DTNBP1: variants seen among roughly 807,000 people sequenced by gnomAD.
DTNBP1 encodes the protein dysbindin.
A neutral mutation model predicts 42.8 loss-of-function variants in DTNBP1; 35 were observed. That is an observed-to-expected ratio of 0.82 (90% CI 0.63 to 1.09). The LOEUF is 1.09. Ranked by LOEUF, DTNBP1 falls within the 50% of genes least tolerant of loss-of-function variation. DTNBP1 has a pLI of 0.00. For missense variants in DTNBP1, 457 were observed against 424.2 expected, an observed-to-expected ratio of 1.08 and a Z score of -0.68; for synonymous variants, 171 against 162.2, an observed-to-expected ratio of 1.05 and a Z score of -0.41.
intron 3 of DTNBP1, among the ~76,000 whole-genome samples, chr6:15,651,064 C>T (rs1210508019): frequency 2.6e-5 from 4 of 151,976 alleles, no homozygotes; most frequent in Non-Finnish European, 4.4e-5. Context: ...ATAAAGAAGC[C>T]GTACATATTA....
At chr6:15,614,798 T>C (rs563110694) in intron 6 of DTNBP1, among the ~76,000 whole-genome samples, 9 of 152,238 alleles carry the variant, frequency 5.9e-5, no homozygotes, top group Non-Finnish European at 1.2e-4. Context: ...TCAGTGACAT[T>C]GAGGCCAAGA....
intron 6 of DTNBP1, among the ~76,000 whole-genome samples, chr6:15,596,990 G>A (rs186332338): frequency 6.6e-6 from 1 of 152,204 alleles, no homozygotes; most frequent in Non-Finnish European, 1.5e-5. Context: ...CATCGTCACT[G>A]CCATCAACCT....
At chr6:15,651,185 T>A in intron 3 of DTNBP1, 128 bp downstream of exon 3, 1 of 860,710 alleles carries the variant, frequency 1.2e-6, no homozygotes, top group Admixed American at 2.2e-5. Flanking sequence ...AATACATAAA[T>A]AATTTCCAAT....
chr6:15,610,924 G>A (rs1019199448), intron 6 of DTNBP1, among the ~76,000 whole-genome samples: 24 of 152,376 alleles, frequency 1.6e-4, no homozygotes, highest in Admixed American at 1.6e-3. Flanking sequence ...AAGTGCTGAT[G>A]TAAAAGCTGC....
At chr6:15,568,423 G>A (rs778025302) in intron 7 of DTNBP1, among the ~76,000 whole-genome samples, 16 of 152,176 alleles carry the variant, frequency 1.1e-4, no homozygotes, top group Non-Finnish European at 1.9e-4. Flanking sequence ...ATAAATGTGT[G>A]TGCTTTTCTT....
At chr6:15,574,700 G>A (rs941605493) in intron 7 of DTNBP1, among the ~76,000 whole-genome samples, 4 of 152,276 alleles carry the variant, frequency 2.6e-5, no homozygotes, top group Admixed American at 6.5e-5. Flanking sequence ...GGGGGAGGAG[G>A]AGGAGGACAG....
At chr6:15,657,119 GCA>G (rs1294219636) in intron 1 of DTNBP1, among the ~76,000 whole-genome samples, 2 of 152,102 alleles carry the variant, frequency 1.3e-5, no homozygotes, top group African/African-American at 4.8e-5. Flanking sequence ...CACAAAAGCT[GCA>G]CAGACTCAGG....
In DTNBP1 at chr6:15,627,493, G is replaced by A. The variant is rs377659695; in HGVS notation, c.223-18C>T. 1.9e-4 allele frequency: 300 copies of A among 1,613,438 alleles called. No individual in the cohort carries two copies. The highest frequency in any genetic ancestry group is 1.7e-4 in the Admixed American group (10 of 59,962). On this transcript the variant is annotated intron_variant, in intron 4 of 9. Coordinates refer to ENST00000344537, the MANE Select transcript of DTNBP1 (RefSeq NM_032122.5). ...TCCACCAGCTGCAGCACACAAGAAG[G>A]GGGGTAAAGTGAAACCAGGTTTTAG... is the stretch of plus-strand genomic sequence containing the variant.
intron 1 of DTNBP1, among the ~76,000 whole-genome samples, chr6:15,654,144 T>G (rs1761160279): frequency 6.6e-6 from 1 of 152,228 alleles, no homozygotes; most frequent in Non-Finnish European, 1.5e-5. Flanking sequence ...ATTCAAAAGA[T>G]TCAGCAATCT....
chr6:15,618,987 ATACTG>A (rs1211109588), intron 5 of DTNBP1, among the ~76,000 whole-genome samples: 2 of 152,218 alleles, frequency 1.3e-5, no homozygotes, highest in Non-Finnish European at 2.9e-5. Flanking sequence ...AGAAAGATAA[ATACTG>A]TATGTTTTCA....
At chr6:15,530,496 C>G (rs963691879) in intron 8 of DTNBP1, among the ~76,000 whole-genome samples, 3 of 152,222 alleles carry the variant, frequency 2.0e-5, no homozygotes, top group African/African-American at 7.2e-5. Flanking sequence ...CTTCATATTT[C>G]CTTGCAGGTA....
chr6:15,657,354 A>T (rs1311024570), intron 1 of DTNBP1, among the ~76,000 whole-genome samples: 2 of 152,154 alleles, frequency 1.3e-5, no homozygotes, highest in African/African-American at 4.8e-5. Flanking sequence ...TTTATCTAAG[A>T]TACTTCCAAA....
At chr6:15,659,519 A>AT (rs1202054782) in intron 1 of DTNBP1, among the ~76,000 whole-genome samples, 4 of 137,516 alleles carry the variant, frequency 2.9e-5, no homozygotes, top group African/African-American at 1.1e-4. Context: ...ATGTTTTTTC[A>AT]TTTTTTCTTT....
At chr6:15,586,441 C>T (rs1327646804) in intron 7 of DTNBP1, among the ~76,000 whole-genome samples, 3 of 152,092 alleles carry the variant, frequency 2.0e-5, no homozygotes, top group African/African-American at 4.8e-5. Flanking sequence ...ACAGCTCCAT[C>T]AATCAGCCAC....
At chr6:15,658,585 C>T (rs544316902) in intron 1 of DTNBP1, among the ~76,000 whole-genome samples, 47 of 152,304 alleles carry the variant, frequency 3.1e-4, no homozygotes, top group African/African-American at 1.1e-3. Context: ...CAGCCTGTGA[C>T]AGGCAGCTGT....
rs527723999 is a variant in DTNBP1, at chr6:15,654,715, A to G, written c.57-2575T>C. Among the ~76,000 whole-genome samples, 21 of 152,318 alleles carry G rather than the reference A, an allele frequency of 1.4e-4. No individual in the cohort carries two copies. In the South Asian group the frequency reaches 4.1e-3, roughly 30 times the overall value. ...GAAAGTAAAATTGTTGGAAGATTCA[A>G]CAAAAGATTCCCCATGTGGCTCTTT... is the stretch of plus-strand genomic sequence containing the variant. On this transcript the variant is annotated intron_variant, in intron 1 of 9. Transcript: ENST00000344537.
intron 8 of DTNBP1, among the ~76,000 whole-genome samples, chr6:15,532,612 G>A (rs1257901774): frequency 6.6e-6 from 1 of 151,122 alleles, no homozygotes; most frequent in Non-Finnish European, 1.5e-5. Flanking sequence ...GGACTATTCT[G>A]TACTGGAGAA....
chr6:15,619,103 T>C (rs1005422043), intron 5 of DTNBP1, among the ~76,000 whole-genome samples: 3 of 152,194 alleles, frequency 2.0e-5, no homozygotes, highest in African/African-American at 7.2e-5. Context: ...AAAGGTTGGT[T>C]AACAGATACA....
intron 7 of DTNBP1, among the ~76,000 whole-genome samples, chr6:15,552,945 G>C (rs1237692863): frequency 6.6e-6 from 1 of 152,144 alleles, no homozygotes; most frequent in African/African-American, 2.4e-5. Context: ...AAAAATAAGA[G>C]TAAGAGGGTA....
Sources: gnomAD v4.1 joint callset for allele counts (sites outside exome capture counted in the v4.1 genomes callset) on GRCh38, gnomAD v4.1.1 for gene constraint, MANE v1.5 for transcripts, NCBI Gene and HGNC (gene_info 2026-07-23, HGNC 2026-07-21) for gene names.